IVD: variants seen among roughly 807,000 people sequenced by gnomAD.
The protein encoded by IVD is isovaleryl-CoA dehydrogenase.
In IVD, 31 loss-of-function variants were observed where a neutral mutation model predicts 51.3. The ratio of observed to expected loss-of-function variants is 0.60; its 90% confidence interval spans 0.45 to 0.81. The LOEUF (loss-of-function observed/expected upper bound fraction) is 0.81, where lower values mean the gene tolerates loss of function less well. Ranked by LOEUF, IVD falls within the 40% of genes least tolerant of loss-of-function variation. The pLI is 0.00. For missense variants in IVD, 475 were observed against 552.0 expected, an observed-to-expected ratio of 0.86 and a Z score of 1.40; for synonymous variants, 205 against 219.4, an observed-to-expected ratio of 0.93 and a Z score of 0.58.
chr15:40,433,845 C>G (rs567236915), intron 7 of IVD: 2 of 456,564 alleles, frequency 4.4e-6, no homozygotes, highest in Non-Finnish European at 8.8e-6. Context: ...TTTCCCTTTT[C>G]GTCTCCAGCC....
chr15:40,435,332 G>C, intron 8 of IVD: 1 of 937,876 alleles, frequency 1.1e-6, no homozygotes, highest in Non-Finnish European at 1.3e-6. Flanking sequence ...TCTTCCCCGG[G>C]GAAAGAGATG....
At chr15:40,432,530 T>C (rs1458939696) in intron 7 of IVD, among the ~76,000 whole-genome samples, 1 of 152,210 alleles carries the variant, frequency 6.6e-6, no homozygotes, top group African/African-American at 2.4e-5. Flanking sequence ...TGGTCCTGGC[T>C]CTTGCTGTGG....
Position 40,433,402 on chromosome 15 carries a change from G to A in IVD, c.720-452G>A, listed in dbSNP as rs74820098. On this transcript the variant is annotated intron_variant, in intron 7 of 8. Transcript: ENST00000473112. ...ACCTGCCCCCTCTGGACCTCCTGCC[G>A]GCTTTGGAGGCTCTCAATACACTGC... Among the ~76,000 whole-genome samples, 104 of 152,280 alleles carry A rather than the reference G, an allele frequency of 6.8e-4. 1 individual carries two copies. In the East Asian group the frequency reaches 0.017, roughly 24 times the overall value.
In IVD at chr15:40,416,097, C is replaced by T; in HGVS notation, c.980C>T (p.Ala327Val). ...GCCCAGTTGATGCAGGGGAAGATGG[C>T]TGACATGTACACCCGCCTCATGGCG... ...GHFQLMQGKM[A>V]DMYTRLMACR... The change falls in exon 10 of 12, where the codon GCT becomes GTT. Residue 327 changes from alanine to valine, a missense_variant. Ala to Val is a moderately conservative substitution (Grantham distance 64, BLOSUM62 0). Transcript: ENST00000487418. The T allele has an allele frequency of 6.2e-7, 1 of 1,614,266 alleles. No individual in the cohort carries two copies. Among genetic ancestry groups the T allele is most frequent in the Non-Finnish European group, 8.5e-7 (1 of 1,180,048 alleles).
intron 1 of IVD, among the ~76,000 whole-genome samples, chr15:40,407,124 A>C (rs986666197): frequency 4.6e-5 from 7 of 152,132 alleles, no homozygotes; most frequent in Admixed American, 2.6e-4. Flanking sequence ...CGGCCTCCCA[A>C]AGTGCTGGGA....
downstream of IVD, among the ~76,000 whole-genome samples, chr15:40,428,272 C>T (rs1412430788): frequency 6.6e-6 from 1 of 151,968 alleles, no homozygotes; most frequent in Non-Finnish European, 1.5e-5. Context: ...GCTCTCCCTT[C>T]CTAAGACTGC....
Position 40,415,498 on chromosome 15 carries a change from T to C in IVD, c.960+16T>C. On this transcript the variant is annotated intron_variant, in intron 9 of 11. Coordinates refer to ENST00000487418, the MANE Select transcript of IVD (RefSeq NM_002225.5). ...CCACTTCCAGGTGAGCCGAGTGCTT[T>C]TGCTGACATGTACTCTTCAACTGGG... 1.2e-6 allele frequency: 2 copies of C among 1,609,848 alleles called. No homozygotes were observed. The highest frequency in any genetic ancestry group is 1.7e-6 in the Non-Finnish European group (2 of 1,176,502).
intron 8 of IVD, chr15:40,433,959 T>A (rs1024749720): frequency 1.5e-5 from 7 of 456,170 alleles, no homozygotes; most frequent in South Asian, 7.7e-5. Flanking sequence ...GCTCTCTGAG[T>A]AGGTTCCAGT....
intron 7 of IVD, chr15:40,414,345 C>T (rs1891420253): frequency 6.0e-6 from 1 of 167,636 alleles, no homozygotes; most frequent in Non-Finnish European, 1.3e-5. Flanking sequence ...GTAGTGTCAA[C>T]CTGTTTTCCT....
chr15:40,415,946 C>G (rs151207667), intron 9 of IVD, 132 bp from the exon 10 acceptor site: 72 of 802,104 alleles, frequency 9.0e-5, no homozygotes, highest in Middle Eastern at 2.6e-4. Context: ...CTCCATCATC[C>G]TGAGTAAATC....
At position 40,420,979 on chromosome 15, in the gene IVD, G is replaced by A. The variant is rs1196675079; in HGVS notation, c.*2716G>A. On this transcript the variant is annotated 3_prime_UTR_variant, in exon 12 of 12. Transcript: ENST00000487418. ...TGGTCCTGGCCTGCAGCCAAGTGCT[G>A]TTCCTAGCCTGAGGCTTGAGACAGG... 2.0e-6 allele frequency: 2 copies of A among 985,388 alleles called. No homozygotes were observed. Among genetic ancestry groups the A allele is most frequent in the Non-Finnish European group, 2.4e-6 (2 of 829,972 alleles). The allele number at this position is 985,388 out of a possible 1,614,324, so 61.0% of individuals were successfully genotyped here. A position where few individuals can be genotyped will look rare whatever the true frequency, so the allele number is the denominator to read the frequency against.
rs1364888020 is a variant in IVD, at chr15:40,419,313, C to T, written c.*1050C>T. On this transcript the variant is annotated 3_prime_UTR_variant, in exon 12 of 12. Coordinates refer to ENST00000487418, the MANE Select transcript of IVD (RefSeq NM_002225.5). ...ATCACTTGCAGTCAGGAGTTCAAGA[C>T]CAGCCTGTCCAACGTGGTGAAACCC... The T allele has an allele frequency of 4.6e-5, 46 of 990,098 alleles. No homozygotes were observed. In the Admixed American group the frequency reaches 1.1e-3, roughly 23 times the overall value. The allele number at this position is 990,098 out of a possible 1,614,324, so 61.3% of individuals were successfully genotyped here. A position where few individuals can be genotyped will look rare whatever the true frequency, so the allele number is the denominator to read the frequency against.
chr15:40,425,740 C>T (rs1027442741), downstream of IVD, among the ~76,000 whole-genome samples: 1 of 151,970 alleles, frequency 6.6e-6, no homozygotes, highest in African/African-American at 2.4e-5. Context: ...CCAGGCTGGT[C>T]TCAGACTCCT....
rs568847712 is a variant in IVD, at chr15:40,414,269, A to G, written c.785-620A>G. 1.1e-3 allele frequency: 177 copies of G among 158,300 alleles called. 1 individual carries two copies. Among genetic ancestry groups the G allele is most frequent in the African/African-American group, 4.1e-3 (172 of 41,612 alleles). 9.8% of individuals were successfully genotyped at this position (158,300 alleles called of 1,614,324 possible). ...CTTTAATTACAGGGAGCATCCAGGG[A>G]GGGGGAGCTGTGCAGCTCCTTCTTT... On this transcript the variant is annotated intron_variant, in intron 7 of 11. Transcript: ENST00000487418.
chr15:40,429,380 G>A (rs1595825802), downstream of IVD, among the ~76,000 whole-genome samples: 2 of 152,314 alleles, frequency 1.3e-5, no homozygotes, highest in Non-Finnish European at 2.9e-5. Flanking sequence ...ACTAGTAACA[G>A]TACGGGGCCA....
intron 8 of IVD, among the ~76,000 whole-genome samples, chr15:40,435,068 T>C (rs1893190507): frequency 6.6e-6 from 1 of 152,234 alleles, no homozygotes; most frequent in Non-Finnish European, 1.5e-5. Flanking sequence ...GAAATGGCGA[T>C]AGTAATTGCA....
chr15:40,421,301 A>G lies in IVD; in HGVS notation c.*3038A>G. The G allele has an allele frequency of 1.0e-6, 1 of 985,400 alleles. No homozygotes were observed. The allele number at this position is 985,400 out of a possible 1,614,324, so 61.0% of individuals were successfully genotyped here. Reference sequence around the variant, plus strand: ...TTTTAAAATTAAAAGCAAAAAAAACAAAATGAACCATGCAGCCTGAGTGGT... The same window carrying G: ...TTTTAAAATTAAAAGCAAAAAAAACGAAATGAACCATGCAGCCTGAGTGGT... On this transcript the variant is annotated 3_prime_UTR_variant, in exon 12 of 12. Transcript: ENST00000487418.
Position 40,421,059 on chromosome 15 carries a change from G to T in IVD, c.*2796G>T. ...CGTCCCATCCTGAGGGCAAGATCCT[G>T]GGCTCATAGGCAGTCCCTTTCACTT... On this transcript the variant is annotated 3_prime_UTR_variant, in exon 12 of 12. Transcript: ENST00000487418. 9.1e-6 allele frequency: 9 copies of T among 985,464 alleles called. No individual in the cohort carries two copies. Among genetic ancestry groups the T allele is most frequent in the Non-Finnish European group, 1.1e-5 (9 of 829,946 alleles). The allele number at this position is 985,464 out of a possible 1,614,324, so 61.0% of individuals were successfully genotyped here.
At chr15:40,428,493 T>C (rs1272578563), downstream of IVD, among the ~76,000 whole-genome samples, 1 of 152,086 alleles carries the variant, frequency 6.6e-6, no homozygotes, top group African/African-American at 2.4e-5. Context: ...CCTCCCTCCC[T>C]AGGAGGCTGC....
Sources: gnomAD v4.1 joint callset for allele counts (sites outside exome capture counted in the v4.1 genomes callset) on GRCh38, gnomAD v4.1.1 for gene constraint, MANE v1.5 for transcripts, NCBI Gene and HGNC (gene_info 2026-07-23, HGNC 2026-07-21) for gene names.